Variants in MAML3 observed in about 807,000 individuals in gnomAD.
MAML3 encodes the protein mastermind-like protein 3.
MAML3 carries 27 observed loss-of-function variants against 101.9 expected under a neutral mutation model. That is an observed-to-expected ratio of 0.27 (90% CI 0.20 to 0.37). The LOEUF is 0.37. MAML3 is among the 10% of genes least tolerant of loss of function. The pLI is 1.00. For synonymous variants in MAML3, 501 were observed against 555.9 expected (o/e 0.90, Z 1.39); for missense variants, 1,316 against 1,444.9 (o/e 0.91, Z 1.45).
chr4:139,783,906 T>C (rs62322630), intron 2 of MAML3, among the ~76,000 whole-genome samples: 1,788 of 152,300 alleles, frequency 0.012, 14 homozygotes, highest in Non-Finnish European at 0.02. Context: ...GATTGACTCC[T>C]CGGAGGCTCT....
At chr4:140,092,090 A>ATATATATATATACG (rs1283696923) in intron 1 of MAML3, among the ~76,000 whole-genome samples, 1,764 of 66,852 alleles carry the variant, frequency 0.026, 47 homozygotes, top group African/African-American at 0.064. Context: ...ATATATACGT[A>ATATATATATATACG]TATATATATA....
intron 1 of MAML3, among the ~76,000 whole-genome samples, chr4:140,084,335 A>C (rs568081439): frequency 6.6e-4 from 101 of 152,194 alleles, no homozygotes; most frequent in Non-Finnish European, 1.3e-3. Flanking sequence ...TTGTTTACAA[A>C]ACTCTTCTCA....
intron 1 of MAML3, among the ~76,000 whole-genome samples, chr4:140,090,232 G>A (rs1728021148): frequency 6.6e-6 from 1 of 152,294 alleles, no homozygotes; most frequent in South Asian, 2.1e-4. Context: ...CTTCTGTGTA[G>A]CTCTGTTTTC....
At chr4:139,942,871 C>T (rs1578609735) in intron 1 of MAML3, among the ~76,000 whole-genome samples, 2 of 152,070 alleles carry the variant, frequency 1.3e-5, no homozygotes, top group Admixed American at 6.5e-5. Flanking sequence ...TTCAGGTTGA[C>T]AGGTTAATTT....
chr4:140,153,100 C>A lies in MAML3; in HGVS notation c.228G>T (p.Arg76=). Residue 76 remains arginine, a synonymous_variant, in exon 1 of 5, where the codon CGG becomes CGT. Transcript: ENST00000509479. ...GGCAGCCCTCGATGCGCTGGCGGAG[C>A]CGCTCCACCACGGTGCTGTGCTTGG... ...AVPKHSTVVE[R]LRQRIEGCRR... The A allele has an allele frequency of 1.3e-6, 2 of 1,552,480 alleles. No homozygotes were observed. The highest frequency in any genetic ancestry group is 1.7e-6 in the Non-Finnish European group (2 of 1,147,672).
chr4:140,025,568 T>C (rs1726808255), intron 1 of MAML3, among the ~76,000 whole-genome samples: 1 of 152,050 alleles, frequency 6.6e-6, no homozygotes, highest in African/African-American at 2.4e-5. Context: ...GGGTACACAG[T>C]TCACTTCCCC....
At chr4:139,943,946 C>T (rs1239648683) in intron 1 of MAML3, among the ~76,000 whole-genome samples, 1 of 140,346 alleles carries the variant, frequency 7.1e-6, no homozygotes, top group Non-Finnish European at 1.5e-5. Context: ...TCTCAGCTCA[C>T]TGCAACCTCC....
At chr4:139,873,386 C>A (rs1051461240) in intron 2 of MAML3, among the ~76,000 whole-genome samples, 3 of 152,174 alleles carry the variant, frequency 2.0e-5, no homozygotes, top group Non-Finnish European at 4.4e-5. Flanking sequence ...GCCAGTACCA[C>A]TTAAGCATGT....
intron 2 of MAML3, among the ~76,000 whole-genome samples, chr4:139,743,162 G>A (rs962769613): frequency 2.6e-5 from 4 of 152,100 alleles, no homozygotes; most frequent in South Asian, 2.1e-4. Flanking sequence ...ACATATACAC[G>A]TCTCCACCTA....
chr4:139,840,460 T>C (rs994393656), intron 2 of MAML3, among the ~76,000 whole-genome samples: 1 of 152,166 alleles, frequency 6.6e-6, no homozygotes, highest in Non-Finnish European at 1.5e-5. Context: ...AAATACCTCC[T>C]GGCATGACCC....
intron 2 of MAML3, among the ~76,000 whole-genome samples, chr4:139,807,458 A>G (rs1214571528): frequency 2.0e-5 from 3 of 152,214 alleles, no homozygotes; most frequent in Non-Finnish European, 4.4e-5. Context: ...ACACCTACAC[A>G]TGCCGGCCTG....
At chr4:139,987,960 TG>T (rs1734579964) in intron 1 of MAML3, among the ~76,000 whole-genome samples, 1 of 132,418 alleles carries the variant, frequency 7.6e-6, no homozygotes. Context: ...AGGTGGAGGC[TG>T]CAGTGAGCTG....
chr4:139,840,549 G>A (rs1188068574), intron 2 of MAML3, among the ~76,000 whole-genome samples: 5 of 152,298 alleles, frequency 3.3e-5, no homozygotes, highest in South Asian at 4.1e-4. Context: ...GGGTATTCTC[G>A]ACAAATGAAG....
chr4:140,142,789 CTT>C (rs931519546), intron 1 of MAML3, among the ~76,000 whole-genome samples: 1 of 152,204 alleles, frequency 6.6e-6, no homozygotes, highest in African/African-American at 2.4e-5. Flanking sequence ...CGTTTCAAGA[CTT>C]TGCACCTTCC....
At chr4:139,830,003 A>G (rs1037598022) in intron 2 of MAML3, among the ~76,000 whole-genome samples, 1 of 152,246 alleles carries the variant, frequency 6.6e-6, no homozygotes, top group Non-Finnish European at 1.5e-5. Flanking sequence ...AAGCTAGAGA[A>G]ATATGAAAGC....
intron 1 of MAML3, among the ~76,000 whole-genome samples, chr4:140,001,477 T>C (rs1328217292): frequency 2.0e-5 from 3 of 152,200 alleles, no homozygotes; most frequent in Admixed American, 2.0e-4. Context: ...GTCAAAGTTG[T>C]TGGGGTCGGC....
intron 3 of MAML3, among the ~76,000 whole-genome samples, chr4:139,726,732 A>G (rs1728487216): frequency 1.3e-5 from 2 of 152,230 alleles, no homozygotes; most frequent in African/African-American, 4.8e-5. Context: ...GGGATTCCAC[A>G]TATACCAGCA....
At chr4:140,104,825 A>G (rs1296039456) in intron 1 of MAML3, among the ~76,000 whole-genome samples, 3 of 151,824 alleles carry the variant, frequency 2.0e-5, no homozygotes, top group African/African-American at 4.8e-5. Flanking sequence ...CCTTAAATAA[A>G]AGAATAAAGG....
intron 2 of MAML3, among the ~76,000 whole-genome samples, chr4:139,884,970 G>A (rs750461513): frequency 5.1e-4 from 77 of 152,152 alleles, no homozygotes; most frequent in Non-Finnish European, 9.9e-4. Context: ...ACAGGATTAG[G>A]ACGGAAAAAA....
Sources: gnomAD v4.1 joint callset for allele counts (sites outside exome capture counted in the v4.1 genomes callset) on GRCh38, gnomAD v4.1.1 for gene constraint, MANE v1.5 for transcripts, NCBI Gene and HGNC (gene_info 2026-07-23, HGNC 2026-07-21) for gene names.